SYT17: variants seen among roughly 807,000 people sequenced by gnomAD.
SYT17 encodes synaptotagmin-17.
Under a neutral mutation model 46.7 loss-of-function variants are expected in SYT17, and 22 were observed. The observed-to-expected ratio is 0.47, with a 90% CI of 0.34 to 0.67. The LOEUF is 0.67. SYT17 is among the 30% of genes least tolerant of loss of function. The probability of loss-of-function intolerance (pLI) is 0.01; values close to 1 mark genes in which losing one functional copy is unlikely to be tolerated. For missense variants in SYT17, 519 were observed against 612.8 expected (o/e 0.85, Z 1.62); for synonymous variants, 251 against 248.4 (o/e 1.01, Z -0.10).
intron 7 of SYT17, among the ~76,000 whole-genome samples, chr16:19,226,918 A>G (rs1006219597): frequency 6.6e-6 from 1 of 152,162 alleles, no homozygotes; most frequent in African/African-American, 2.4e-5. Flanking sequence ...ACGTGTTATA[A>G]TGAGTGACAC....
At chr16:19,233,450 G>A (rs892734627) in intron 7 of SYT17, among the ~76,000 whole-genome samples, 2 of 151,514 alleles carry the variant, frequency 1.3e-5, no homozygotes, top group African/African-American at 2.4e-5. Context: ...ACAAGAGATC[G>A]AGAGCAGCCT....
chr16:19,230,420 T>A (rs1033677737), intron 7 of SYT17, among the ~76,000 whole-genome samples: 79 of 151,128 alleles, frequency 5.2e-4, no homozygotes, highest in Admixed American at 1.1e-3. Flanking sequence ...AAAAAAAAAA[T>A]TCTGGAGATG....
chr16:19,231,001 T>A (rs1349920081), intron 7 of SYT17, among the ~76,000 whole-genome samples: 2 of 152,206 alleles, frequency 1.3e-5, no homozygotes, highest in African/African-American at 4.8e-5. Context: ...TATACATAAA[T>A]AAATAATATA....
intron 5 of SYT17, among the ~76,000 whole-genome samples, chr16:19,206,859 A>G (rs1036412380): frequency 6.6e-6 from 1 of 152,160 alleles, no homozygotes; most frequent in African/African-American, 2.4e-5. Context: ...CAAAACTCCT[A>G]TTTCCAAATA....
At chr16:19,175,645 CAAAAAAAA>C (rs34788366) in intron 3 of SYT17, among the ~76,000 whole-genome samples, 1 of 67,778 alleles carries the variant, frequency 1.5e-5, no homozygotes, top group Non-Finnish European at 2.9e-5. Flanking sequence ...AGCAAGACTT[CAAAAAAAA>C]AAAAAAAAAA....
chr16:19,185,449 G>A (rs1964746972), intron 5 of SYT17, among the ~76,000 whole-genome samples: 1 of 152,126 alleles, frequency 6.6e-6, no homozygotes, highest in East Asian at 1.9e-4. Flanking sequence ...AATTAGCTAG[G>A]CATGGTAGTG....
chr16:19,201,187 A>G (rs759442420), intron 5 of SYT17, among the ~76,000 whole-genome samples: 6 of 152,204 alleles, frequency 3.9e-5, no homozygotes, highest in Non-Finnish European at 8.8e-5. Flanking sequence ...AAAGGTGGTC[A>G]TGGAGGCCTG....
intron 7 of SYT17, among the ~76,000 whole-genome samples, chr16:19,236,475 G>T (rs12444661): frequency 6.6e-6 from 1 of 151,880 alleles, no homozygotes; most frequent in Non-Finnish European, 1.5e-5. Flanking sequence ...GATACCAGCT[G>T]TAAGTTCTGA....
At chr16:19,243,888 C>G (rs1283213754) in intron 7 of SYT17, among the ~76,000 whole-genome samples, 1 of 150,186 alleles carries the variant, frequency 6.7e-6, no homozygotes, top group Non-Finnish European at 1.5e-5. Context: ...GGGCCCCAGC[C>G]TCATTACAAG....
At chr16:19,214,360 T>C (rs569452868) in intron 5 of SYT17, among the ~76,000 whole-genome samples, 10 of 151,840 alleles carry the variant, frequency 6.6e-5, no homozygotes, top group Middle Eastern at 3.4e-3. Flanking sequence ...TTAGAGACCA[T>C]GTGTTGCTCT....
intron 7 of SYT17, among the ~76,000 whole-genome samples, chr16:19,251,959 C>T (rs970777210): frequency 6.6e-6 from 1 of 152,072 alleles, no homozygotes; most frequent in African/African-American, 2.4e-5. Flanking sequence ...CCTGTAATCC[C>T]AGCACTTTGG....
chr16:19,212,226 A>G (rs1331885756), intron 5 of SYT17, among the ~76,000 whole-genome samples: 1 of 152,104 alleles, frequency 6.6e-6, no homozygotes, highest in Admixed American at 6.5e-5. Flanking sequence ...CACAACACAG[A>G]ATGCTCCAGC....
rs1966223727 is a variant in SYT17, at chr16:19,219,447, TA to T, written c.952-3596del. Reference sequence around the variant, plus strand: ...AAAAAAAAAAAAAAAAAAAAAAAAATAATAATAATAATAATAATAAAACAAA... The same window carrying T: ...AAAAAAAAAAAAAAAAAAAAAAAAATATAATAATAATAATAATAAAACAAA... On this transcript the variant is annotated intron_variant, in intron 5 of 7. Transcript: ENST00000355377. 5.4e-4 allele frequency among the ~76,000 whole-genome samples: 2 copies of T among 3,674 alleles called. 1 individual carries two copies. Among genetic ancestry groups the T allele is most frequent in the African/African-American group, 8.3e-3 (2 of 242 alleles). 2.4% of individuals were successfully genotyped at this position (3,674 alleles called of 152,430 possible).
intron 7 of SYT17, among the ~76,000 whole-genome samples, chr16:19,264,615 A>G (rs1183865245): frequency 7.1e-6 from 1 of 140,762 alleles, no homozygotes; most frequent in Non-Finnish European, 1.5e-5. Context: ...TTTTTGAGAC[A>G]AGCAAGGTCA....
chr16:19,174,427 C>T (rs931039890), intron 3 of SYT17, among the ~76,000 whole-genome samples: 3 of 152,150 alleles, frequency 2.0e-5, no homozygotes, highest in African/African-American at 7.2e-5. Flanking sequence ...AGACAGACAG[C>T]GGCCAGGACC....
chr16:19,231,361 A>G (rs569569442), intron 7 of SYT17, among the ~76,000 whole-genome samples: 6 of 152,038 alleles, frequency 3.9e-5, no homozygotes, highest in Non-Finnish European at 7.4e-5. Flanking sequence ...ACCTGAGGTC[A>G]GGAGTTCGGG....
At chr16:19,231,421 A>G (rs1218300515) in intron 7 of SYT17, among the ~76,000 whole-genome samples, 1 of 141,208 alleles carries the variant, frequency 7.1e-6, no homozygotes, top group Non-Finnish European at 1.5e-5. Flanking sequence ...AAATACAAAA[A>G]TTAGCTGGGC....
chr16:19,176,833 T>C (rs896312291), intron 3 of SYT17, among the ~76,000 whole-genome samples: 3 of 152,160 alleles, frequency 2.0e-5, no homozygotes, highest in Non-Finnish European at 4.4e-5. Flanking sequence ...TATCGCTTGA[T>C]TAATGAGTTG....
chr16:19,180,868 G>A (rs913332591), intron 4 of SYT17, among the ~76,000 whole-genome samples: 1 of 152,178 alleles, frequency 6.6e-6, no homozygotes, highest in South Asian at 2.1e-4. Flanking sequence ...ATATAGCAGG[G>A]TTTGTCAATT....
Sources: gnomAD v4.1 joint callset for allele counts (sites outside exome capture counted in the v4.1 genomes callset) on GRCh38, gnomAD v4.1.1 for gene constraint, MANE v1.5 for transcripts, NCBI Gene and HGNC (gene_info 2026-07-23, HGNC 2026-07-21) for gene names.